TNNI3K: variants seen among roughly 807,000 people sequenced by gnomAD.
TNNI3K encodes TNNI3 interacting kinase, also known as serine/threonine-protein kinase TNNI3K.
A neutral mutation model predicts 114.5 loss-of-function variants in TNNI3K; 140 were observed. That is an observed-to-expected ratio of 1.22 (90% confidence interval 1.07 to 1.41). The LOEUF (loss-of-function observed/expected upper bound fraction) is 1.41, where lower values mean the gene tolerates loss of function less well. Ranked by LOEUF, TNNI3K falls within the 40% of genes most tolerant of loss-of-function variation. The pLI, the probability that TNNI3K is intolerant of heterozygous loss-of-function variation, is 0.00. For synonymous variants in TNNI3K, 347 were observed against 347.5 expected (o/e 1.00, Z 0.02); for missense variants, 1,125 against 1,007.6 (o/e 1.12, Z -1.58).
At chr1:74,315,046 C>T (rs1417891) in intron 5 of TNNI3K, among the ~76,000 whole-genome samples, 101,515 of 151,954 alleles carry the variant, frequency 0.67, 36,071 homozygotes, top group East Asian at 0.88. Flanking sequence ...AGAACATTAC[C>T]GGAAAGAAAA....
At chr1:74,439,468 G>T in intron 19 of TNNI3K, 22 bp from the exon 20 acceptor site, 1 of 1,606,786 alleles carries the variant, frequency 6.2e-7, no homozygotes. Flanking sequence ...TAAATGGCTT[G>T]TGGATGTTTC....
At chr1:74,529,802 C>G (rs564459122) in intron 23 of TNNI3K, among the ~76,000 whole-genome samples, 1 of 152,162 alleles carries the variant, frequency 6.6e-6, no homozygotes, top group East Asian at 1.9e-4. Flanking sequence ...TTCACTTCAG[C>G]CATTTGATTC....
chr1:74,296,126 A>G (rs1333423596), intron 5 of TNNI3K, among the ~76,000 whole-genome samples: 9 of 152,024 alleles, frequency 5.9e-5, no homozygotes, highest in Admixed American at 5.9e-4. Flanking sequence ...AATACAAAAA[A>G]TTAGCCGGGC....
chr1:74,495,224 G>C (rs947673855), intron 23 of TNNI3K, among the ~76,000 whole-genome samples: 1 of 152,206 alleles, frequency 6.6e-6, no homozygotes, highest in South Asian at 2.1e-4. Flanking sequence ...TGCTGTGAGC[G>C]TGCATTCAAG....
chr1:74,259,090 G>A (rs189395515), intron 4 of TNNI3K, among the ~76,000 whole-genome samples: 100 of 152,216 alleles, frequency 6.6e-4, no homozygotes, highest in Non-Finnish European at 1.2e-3. Flanking sequence ...CTATTCAGGC[G>A]TTTCTAGAGA....
chr1:74,272,197 C>T (rs763080809), intron 5 of TNNI3K, among the ~76,000 whole-genome samples: 5 of 151,738 alleles, frequency 3.3e-5, no homozygotes, highest in Middle Eastern at 3.4e-3. Context: ...TATTATGCAC[C>T]GGATACTGTT....
At chr1:74,363,096 G>T (rs1662056125) in intron 11 of TNNI3K, among the ~76,000 whole-genome samples, 2 of 152,050 alleles carry the variant, frequency 1.3e-5, no homozygotes, top group African/African-American at 4.8e-5. Flanking sequence ...TATTCCATTA[G>T]TGTGCCTTGG....
intron 17 of TNNI3K, among the ~76,000 whole-genome samples, chr1:74,389,722 A>C (rs1487690820): frequency 2.0e-5 from 3 of 152,226 alleles, no homozygotes; most frequent in Non-Finnish European, 2.9e-5. Context: ...GAAAGTGTTG[A>C]AAAACTGTTG....
intron 20 of TNNI3K, among the ~76,000 whole-genome samples, chr1:74,455,107 A>C (rs1007750321): frequency 2.0e-5 from 3 of 152,166 alleles, no homozygotes; most frequent in African/African-American, 7.2e-5. Flanking sequence ...ATAGAGAATG[A>C]GTGACAGAAG....
chr1:74,477,348 A>T (rs1668256518), intron 21 of TNNI3K, among the ~76,000 whole-genome samples: 4 of 152,116 alleles, frequency 2.6e-5, no homozygotes, highest in Admixed American at 2.6e-4. Flanking sequence ...AATATATGTG[A>T]CATGTTTAAT....
intron 23 of TNNI3K, among the ~76,000 whole-genome samples, chr1:74,530,597 A>G (rs780963448): frequency 5.3e-5 from 8 of 152,186 alleles, no homozygotes; most frequent in Non-Finnish European, 1.0e-4. Context: ...CAACCTTGCT[A>G]TATGAACTGG....
intron 5 of TNNI3K, among the ~76,000 whole-genome samples, chr1:74,288,014 A>G (rs369724344): frequency 3.3e-5 from 5 of 152,170 alleles, no homozygotes; most frequent in African/African-American, 4.8e-5. Context: ...TTATCAGGGA[A>G]ATGCAAATTA....
rs199817090 is a variant in TNNI3K at position 74,354,065 on chromosome 1, T to A, written c.1113T>A (p.Cys371Ter). The A allele has an allele frequency of 6.2e-7, 1 of 1,614,124 alleles. No individual in the cohort carries two copies. The highest frequency in any genetic ancestry group is 8.5e-7 in the Non-Finnish European group (1 of 1,180,004). ...GAGCTGATATGAATCTAGTGGCTTGTGATCCCAGCAGGTCTAGTGGTGAAA... is the reference window on the plus strand; with the variant it reads ...GAGCTGATATGAATCTAGTGGCTTGAGATCCCAGCAGGTCTAGTGGTGAAA... ...DNGADMNLVA[C>*]DPSRSSGEKD... Residue 371 changes from cysteine to a stop codon, truncating the protein, a stop_gained, in exon 11 of 25, where the codon TGT becomes TGA. Coordinates refer to ENST00000326637, the MANE Select transcript of TNNI3K (RefSeq NM_015978.3). LOFTEE classifies it high-confidence loss of function.
chr1:74,472,167 T>G (rs1667968627), intron 21 of TNNI3K: 2 of 717,052 alleles, frequency 2.8e-6, no homozygotes, highest in East Asian at 5.4e-5. Flanking sequence ...AAGCGGGTGT[T>G]GCATATCTTC....
chr1:74,423,536 T>C (rs1304725066), intron 17 of TNNI3K, among the ~76,000 whole-genome samples: 1 of 152,158 alleles, frequency 6.6e-6, no homozygotes, highest in Admixed American at 6.5e-5. Context: ...ATCAAATGTG[T>C]GACCTTATAC....
At chr1:74,317,104 C>G (rs524086) in intron 5 of TNNI3K, among the ~76,000 whole-genome samples, 150,919 of 152,302 alleles carry the variant, frequency 0.99, 74,791 homozygotes, top group Middle Eastern at 1. Context: ...GCTCAACAAA[C>G]ACACATAACT....
chr1:74,299,987 A>G (rs901730649), intron 5 of TNNI3K, among the ~76,000 whole-genome samples: 2 of 152,234 alleles, frequency 1.3e-5, no homozygotes, highest in Admixed American at 1.3e-4. Context: ...TTCATATTCA[A>G]GAAGTTTTCA....
intron 2 of TNNI3K, among the ~76,000 whole-genome samples, chr1:74,247,272 C>T (rs1442941426): frequency 6.6e-6 from 1 of 151,964 alleles, no homozygotes. Context: ...CTTACCGCGG[C>T]GCATCTGGAG....
At chr1:74,520,038 G>T (rs1436475313) in intron 23 of TNNI3K, among the ~76,000 whole-genome samples, 3 of 152,112 alleles carry the variant, frequency 2.0e-5, no homozygotes, top group African/African-American at 7.2e-5. Flanking sequence ...TGGGGAACAG[G>T]TGGTATTTGG....
Sources: gnomAD v4.1 joint callset for allele counts (sites outside exome capture counted in the v4.1 genomes callset) on GRCh38, gnomAD v4.1.1 for gene constraint, MANE v1.5 for transcripts, NCBI Gene and HGNC (gene_info 2026-07-23, HGNC 2026-07-21) for gene names.